Variants in MUC22 observed in about 807,000 individuals in gnomAD.
MUC22 encodes the protein mucin 22.
MUC22 carries 24 observed loss-of-function variants against 40.3 expected under a neutral mutation model. The ratio of observed to expected loss-of-function variants is 0.60; its 90% CI spans 0.43 to 0.84. MUC22 has a LOEUF of 0.84. Ranked by LOEUF, MUC22 falls within the 40% of genes least tolerant of loss-of-function variation. The pLI is 0.00. For missense variants in MUC22, 1,926 were observed against 2,130.7 expected, an observed-to-expected ratio of 0.90 and a Z score of 1.89; for synonymous variants, 765 against 844.5, an observed-to-expected ratio of 0.91 and a Z score of 1.63.
In MUC22 at chr6:31,029,420, C is replaced by A. The variant is rs375120445; in HGVS notation, c.3989C>A (p.Thr1330Asn). Residue 1330 changes from threonine (T) to asparagine (N), a missense_variant, in exon 2 of 4, where the codon ACC becomes AAC. Physicochemically the swap from Thr to Asn is moderately conservative, Grantham distance 65. Transcript: ENST00000561890. ...GGCTCTGAGACCACCACAGCCTCTA[C>A]CGCAGATTTGGAGACCACCACAGTC... 11 of 1,535,012 alleles carry A rather than the reference C, an allele frequency of 7.2e-6. No homozygotes were observed. The Admixed American group carries it at 1.4e-4, about 19-fold the overall frequency.
chr6:31,022,341 T>A (rs1341588219), intron 1 of MUC22, among the ~76,000 whole-genome samples: 2 of 152,120 alleles, frequency 1.3e-5, no homozygotes, highest in African/African-American at 4.8e-5. Context: ...ATTTTGTATT[T>A]TTAGTACAGA....
chr6:31,016,177 A>G (rs1279330873), intron 1 of MUC22, among the ~76,000 whole-genome samples: 1 of 143,162 alleles, frequency 7.0e-6, no homozygotes, highest in Non-Finnish European at 1.5e-5. Context: ...TATATTGCTG[A>G]GGACATTTGA....
chr6:31,024,334 G>T (rs35590025), intron 1 of MUC22, among the ~76,000 whole-genome samples: 8,932 of 152,184 alleles, frequency 0.059, 357 homozygotes, highest in East Asian at 0.12. Context: ...TGAATTTCTT[G>T]ATCTTGATGG....
chr6:31,022,847 G>A (rs938632471), intron 1 of MUC22, among the ~76,000 whole-genome samples: 7 of 152,156 alleles, frequency 4.6e-5, no homozygotes, highest in Non-Finnish European at 1.0e-4. Flanking sequence ...AAATGACTCA[G>A]GTCATGGTGC....
At chr6:31,022,471 A>T (rs1374787516) in intron 1 of MUC22, among the ~76,000 whole-genome samples, 1 of 152,080 alleles carries the variant, frequency 6.6e-6, no homozygotes, top group Non-Finnish European at 1.5e-5. Context: ...TTTTTTTTTA[A>T]ATGTAAAAGT....
exon 2 of MUC22, chr6:31,028,005 A>C (rs1385679972): frequency 6.6e-7 from 1 of 1,517,576 alleles, no homozygotes; most frequent in East Asian, 2.5e-5. Context: ...ACACCACAGC[A>C]TCTACTGCAG....
chr6:31,025,977 C>A (rs1433566357), exon 2 of MUC22: 1 of 1,534,350 alleles, frequency 6.5e-7, no homozygotes, highest in Non-Finnish European at 8.7e-7. Flanking sequence ...CCACCACAGG[C>A]TCTGAGACTG....
chr6:31,031,659 C>T (rs1302864876), intron 2 of MUC22, among the ~76,000 whole-genome samples: 3 of 152,092 alleles, frequency 2.0e-5, no homozygotes, highest in Non-Finnish European at 2.9e-5. Flanking sequence ...TTTTATCCCT[C>T]GCCCCCTCCC....
At chr6:31,024,757 C>T (rs1356047911) in intron 1 of MUC22, among the ~76,000 whole-genome samples, 1 of 152,168 alleles carries the variant, frequency 6.6e-6, no homozygotes, top group African/African-American at 2.4e-5. Context: ...TCCAGCCACC[C>T]TGGTCTCCTA....
At chr6:31,022,136 CAGA>C (rs753566461) in intron 1 of MUC22, among the ~76,000 whole-genome samples, 21 of 152,262 alleles carry the variant, frequency 1.4e-4, no homozygotes, top group East Asian at 1.2e-3. Flanking sequence ...ATCTGAACAT[CAGA>C]AGGAGCAAAC....
At chr6:31,030,342 C>A (rs866445392) in intron 2 of MUC22, among the ~76,000 whole-genome samples, 1 of 152,044 alleles carries the variant, frequency 6.6e-6, no homozygotes, top group African/African-American at 2.4e-5. Flanking sequence ...ACGGTGAAAT[C>A]CAGTCTCTAC....
In MUC22 at chr6:31,032,582, G is replaced by A. The variant is rs771334579; in HGVS notation, c.5055+1G>A. 12 of 1,531,838 alleles carry A rather than the reference G, an allele frequency of 7.8e-6. No homozygotes were observed. Among genetic ancestry groups the A allele is most frequent in the South Asian group, 2.4e-5 (2 of 83,408 alleles). 94.9% of individuals were successfully genotyped at this position (1,531,838 alleles called of 1,614,324 possible). Reference sequence around the variant, plus strand: ...GTCAGTAGGACTGAGTTTTTGTCTGGTGAGTACCCAGGGTGGGTTCATAGG... The same window carrying A: ...GTCAGTAGGACTGAGTTTTTGTCTGATGAGTACCCAGGGTGGGTTCATAGG... On this transcript the variant is annotated splice_donor_variant, in intron 3 of 3. Transcript: ENST00000561890. LOFTEE classifies it high-confidence loss of function. This position sits in a 1 kb window ranked among gnomAD's most constrained non-coding sequence, Gnocchi z 4.1.
chr6:31,022,496 AAAT>A (rs1337238403), intron 1 of MUC22, among the ~76,000 whole-genome samples: 2 of 152,090 alleles, frequency 1.3e-5, no homozygotes, highest in Non-Finnish European at 2.9e-5. Flanking sequence ...CAGGAAGAAA[AAAT>A]TTAGATCTAT....
chr6:31,007,404 C>G (rs141302735), upstream of MUC22, among the ~76,000 whole-genome samples: 34 of 152,294 alleles, frequency 2.2e-4, no homozygotes, highest in African/African-American at 7.2e-4. This position sits in a 1 kb window ranked among gnomAD's most constrained non-coding sequence, Gnocchi z 4.0. Flanking sequence ...CCATATCAGG[C>G]TATATTTCAC....
At chr6:31,023,639 AAAAG>A (rs1428813240) in intron 1 of MUC22, among the ~76,000 whole-genome samples, 1 of 152,236 alleles carries the variant, frequency 6.6e-6, no homozygotes, top group Non-Finnish European at 1.5e-5. Context: ...CATTGGTTAA[AAAAG>A]AAAGCCCCAA....
At chr6:31,022,167 A>C (rs1256192249) in intron 1 of MUC22, among the ~76,000 whole-genome samples, 2 of 152,204 alleles carry the variant, frequency 1.3e-5, no homozygotes, top group South Asian at 4.1e-4. Flanking sequence ...ATGCCACCTT[A>C]AGAGCTGTAA....
intron 1 of MUC22, among the ~76,000 whole-genome samples, chr6:31,022,670 A>G (rs1361800201): frequency 4.6e-5 from 7 of 152,214 alleles, no homozygotes; most frequent in Non-Finnish European, 5.9e-5. Context: ...GGATAGAAAA[A>G]GGAAATGGAA....
intron 1 of MUC22, among the ~76,000 whole-genome samples, chr6:31,013,572 A>G (rs1010049508): frequency 2.0e-5 from 3 of 152,240 alleles, no homozygotes; most frequent in Admixed American, 2.0e-4. Flanking sequence ...AAGGCTTCTC[A>G]TAAAACTTCA....
chr6:31,022,323 C>G lies in MUC22; in HGVS notation c.71-3179C>G, dbSNP rs1277372098. Among the ~76,000 whole-genome samples the G allele has an allele frequency of 2.6e-5, 4 of 152,092 alleles. No homozygotes were observed. The East Asian group carries it at 7.7e-4, about 29-fold the overall frequency. ...CAGGCATGTAATTAGCCACACCATG[C>G]CTGGCTAATTTTGTATTTTTAGTAC... On this transcript the variant is annotated intron_variant, in intron 1 of 3. Coordinates refer to ENST00000561890, the Ensembl canonical transcript of MUC22.
Sources: gnomAD v4.1 joint callset for allele counts (sites outside exome capture counted in the v4.1 genomes callset) on GRCh38, gnomAD v4.1.1 for gene constraint, Gnocchi (gnomAD v3.1) non-coding constraint, MANE v1.5 for transcripts, NCBI Gene and HGNC (gene_info 2026-07-23, HGNC 2026-07-21) for gene names.